LUZP2: variants seen among roughly 807,000 people sequenced by gnomAD.
LUZP2 encodes the protein leucine zipper protein 2.
Under a neutral mutation model 51.6 loss-of-function variants are expected in LUZP2, and 52 were observed. The observed-to-expected ratio is 1.01, with a 90% CI of 0.81 to 1.27. The LOEUF (loss-of-function observed/expected upper bound fraction) is 1.27, where lower values mean the gene tolerates loss of function less well. LUZP2 is among the 50% of genes most tolerant of loss of function. LUZP2 has a pLI of 0.00. For synonymous variants in LUZP2, 154 were observed against 137.3 expected (o/e 1.12, Z -0.85); for missense variants, 436 against 395.4 (o/e 1.10, Z -0.87).
intron 5 of LUZP2, among the ~76,000 whole-genome samples, chr11:24,797,975 A>G (rs1276677181): frequency 6.6e-6 from 1 of 152,184 alleles, no homozygotes; most frequent in East Asian, 1.9e-4. Context: ...TAAGAAAAAT[A>G]CAAAGTAAAA....
intron 5 of LUZP2, among the ~76,000 whole-genome samples, chr11:24,857,550 A>T (rs1286818207): frequency 2.4e-5 from 3 of 126,238 alleles, no homozygotes; most frequent in Admixed American, 9.2e-5. Context: ...TCAGGTGCAT[A>T]TCCAAAATAG....
At chr11:24,712,335 A>G (rs1857863429) in intron 1 of LUZP2, among the ~76,000 whole-genome samples, 1 of 152,066 alleles carries the variant, frequency 6.6e-6, no homozygotes, top group Non-Finnish European at 1.5e-5. Flanking sequence ...GCATGAGGAC[A>G]GCTTGAGCCC....
At chr11:25,034,719 T>A (rs1431901042) in intron 9 of LUZP2, among the ~76,000 whole-genome samples, 4 of 152,148 alleles carry the variant, frequency 2.6e-5, no homozygotes, top group Non-Finnish European at 5.9e-5. Context: ...TTGTCGAAGA[T>A]GAAATGGTTA....
intron 1 of LUZP2, among the ~76,000 whole-genome samples, chr11:24,544,188 G>T (rs11027995): frequency 0.43 from 64,937 of 151,822 alleles, 14,529 homozygotes; most frequent in African/African-American, 0.54. Context: ...CTGTGTGTCT[G>T]GTTCCGATGA....
chr11:24,605,587 A>G (rs898696120), intron 1 of LUZP2, among the ~76,000 whole-genome samples: 2 of 151,896 alleles, frequency 1.3e-5, no homozygotes, highest in African/African-American at 2.4e-5. Flanking sequence ...GACATTGATA[A>G]TTTTCTTACG....
At chr11:24,809,694 T>G (rs1038067497) in intron 5 of LUZP2, among the ~76,000 whole-genome samples, 3 of 152,178 alleles carry the variant, frequency 2.0e-5, no homozygotes, top group Admixed American at 2.0e-4. Flanking sequence ...TAACATTTCT[T>G]TCTCTATTTT....
chr11:24,823,138 G>T (rs1228163377), intron 5 of LUZP2, among the ~76,000 whole-genome samples: 1 of 152,158 alleles, frequency 6.6e-6, no homozygotes, highest in African/African-American at 2.4e-5. Context: ...AGCTAATACG[G>T]TAAGGTTATG....
intron 7 of LUZP2, among the ~76,000 whole-genome samples, chr11:24,955,536 T>G: frequency 6.6e-6 from 1 of 152,088 alleles, no homozygotes; most frequent in Middle Eastern, 3.4e-3. Flanking sequence ...GAAATAAAAA[T>G]AATTTATAGT....
intron 1 of LUZP2, among the ~76,000 whole-genome samples, chr11:24,660,452 C>A (rs1454284235): frequency 6.6e-6 from 1 of 152,000 alleles, no homozygotes; most frequent in Non-Finnish European, 1.5e-5. Context: ...TGACTTGTTT[C>A]TAGCATTTTT....
intron 10 of LUZP2, among the ~76,000 whole-genome samples, chr11:25,071,684 G>A (rs1215289453): frequency 6.6e-6 from 1 of 151,050 alleles, no homozygotes; most frequent in Non-Finnish European, 1.5e-5. Context: ...TTGGGGGAGA[G>A]GGGAGAGATA....
chr11:24,695,645 T>C (rs1040255551), intron 1 of LUZP2, among the ~76,000 whole-genome samples: 1 of 152,072 alleles, frequency 6.6e-6, no homozygotes, highest in Non-Finnish European at 1.5e-5. Flanking sequence ...AACTTTATGC[T>C]TTCTAAAAAT....
intron 1 of LUZP2, among the ~76,000 whole-genome samples, chr11:24,723,546 C>T: frequency 6.6e-6 from 1 of 152,196 alleles, no homozygotes; most frequent in Non-Finnish European, 1.5e-5. Flanking sequence ...AATAAACTGG[C>T]TGGACACGGC....
chr11:24,640,996 T>C (rs1332777013), intron 1 of LUZP2, among the ~76,000 whole-genome samples: 3 of 98,340 alleles, frequency 3.1e-5, no homozygotes, highest in Non-Finnish European at 6.6e-5. Context: ...GATATAGATA[T>C]AGATATAGAT....
intron 5 of LUZP2, among the ~76,000 whole-genome samples, chr11:24,903,281 T>C (rs1251220926): frequency 6.6e-6 from 1 of 152,230 alleles, no homozygotes; most frequent in East Asian, 1.9e-4. Flanking sequence ...GTGCAAATAT[T>C]TGCAAAAATA....
chr11:24,975,539 G>A (rs1390558083), intron 7 of LUZP2, among the ~76,000 whole-genome samples: 1 of 152,028 alleles, frequency 6.6e-6, no homozygotes, highest in Non-Finnish European at 1.5e-5. Flanking sequence ...ATCAAAGGAT[G>A]AATGGATAAA....
At chr11:24,770,064 G>A (rs1860351503) in intron 5 of LUZP2, among the ~76,000 whole-genome samples, 1 of 152,162 alleles carries the variant, frequency 6.6e-6, no homozygotes, top group South Asian at 2.1e-4. Flanking sequence ...AAAGTGCTGG[G>A]ATTACAGGCG....
chr11:24,863,244 A>G (rs778971091), intron 5 of LUZP2, among the ~76,000 whole-genome samples: 36 of 152,178 alleles, frequency 2.4e-4, no homozygotes, highest in Non-Finnish European at 4.3e-4. Flanking sequence ...ATACCAAAAC[A>G]TGTACATGAA....
intron 5 of LUZP2, among the ~76,000 whole-genome samples, chr11:24,788,441 G>T (rs974132999): frequency 2.6e-5 from 4 of 151,750 alleles, no homozygotes; most frequent in African/African-American, 9.7e-5. Flanking sequence ...ACCCACCTCG[G>T]CCTCCCAAAG....
intron 5 of LUZP2, chr11:24,786,294 T>G: frequency 1.0e-6 from 1 of 975,890 alleles, no homozygotes. Context: ...ACATAGAAAA[T>G]AGTATGTTTT....
Sources: allele counts gnomAD v4.1 joint callset (sites outside exome capture counted in the v4.1 genomes callset), GRCh38; gene constraint gnomAD v4.1.1; transcripts MANE v1.5; gene names NCBI Gene and HGNC (gene_info 2026-07-23, HGNC 2026-07-21).